Variants in MDGA2 observed in about 807,000 individuals in gnomAD.
MDGA2 encodes the protein MAM domain-containing glycosylphosphatidylinositol anchor protein 2.
MDGA2 carries 40 observed loss-of-function variants against 117.8 expected under a neutral mutation model. That is an observed-to-expected ratio of 0.34 (90% CI 0.26 to 0.44). The LOEUF (loss-of-function observed/expected upper bound fraction) is 0.44. Ranked by LOEUF, MDGA2 falls within the 20% of genes least tolerant of loss-of-function variation. MDGA2 has a pLI of 1.00. For missense variants in MDGA2, 1,123 were observed against 1,250.6 expected, an observed-to-expected ratio of 0.90 and a Z score of 1.54; for synonymous variants, 452 against 439.0, an observed-to-expected ratio of 1.03 and a Z score of -0.37.
intron 8 of MDGA2, among the ~76,000 whole-genome samples, chr14:47,002,183 A>G (rs1466725893): frequency 6.6e-6 from 1 of 152,124 alleles, no homozygotes. Flanking sequence ...AACCTTCCCA[A>G]TGTAAAACTA....
intron 3 of MDGA2, among the ~76,000 whole-genome samples, chr14:47,160,695 CACAG>C (rs780599870): frequency 3.5e-4 from 53 of 152,246 alleles, no homozygotes; most frequent in South Asian, 1.2e-3. Flanking sequence ...TAAACACACA[CACAG>C]ACAAACATAA....
At chr14:47,227,159 T>G (rs950550785) in intron 2 of MDGA2, among the ~76,000 whole-genome samples, 2 of 152,082 alleles carry the variant, frequency 1.3e-5, no homozygotes, top group African/African-American at 2.4e-5. Flanking sequence ...CCTTTACCCT[T>G]CCTATATGTT....
intron 10 of MDGA2, among the ~76,000 whole-genome samples, chr14:46,911,883 G>A (rs1883718835): frequency 6.6e-6 from 1 of 152,092 alleles, no homozygotes; most frequent in African/African-American, 2.4e-5. Flanking sequence ...TGAGGGTCAT[G>A]GGGTGGGGCA....
chr14:47,207,798 A>T (rs893373964), intron 3 of MDGA2, among the ~76,000 whole-genome samples: 5 of 152,016 alleles, frequency 3.3e-5, no homozygotes, highest in African/African-American at 1.2e-4. Context: ...ATCATGAATA[A>T]AAACACTGCA....
chr14:47,145,959 T>C (rs1882926869), intron 3 of MDGA2, among the ~76,000 whole-genome samples: 2 of 152,112 alleles, frequency 1.3e-5, no homozygotes, highest in Non-Finnish European at 2.9e-5. Context: ...CACTTGCCCA[T>C]TGTCCAGACT....
chr14:47,187,712 A>G (rs1214041539), intron 3 of MDGA2, among the ~76,000 whole-genome samples: 3 of 152,092 alleles, frequency 2.0e-5, no homozygotes, highest in Non-Finnish European at 4.4e-5. Context: ...AATCTTTAAC[A>G]TTTATTCATG....
chr14:47,075,226 TTGTCTA>T (rs746326641), intron 6 of MDGA2, among the ~76,000 whole-genome samples: 2 of 152,196 alleles, frequency 1.3e-5, no homozygotes, highest in Non-Finnish European at 2.9e-5. Context: ...CCACTATTCT[TTGTCTA>T]TAAGAAAACT....
At chr14:47,013,882 G>T (rs1466956602) in intron 8 of MDGA2, among the ~76,000 whole-genome samples, 1 of 147,144 alleles carries the variant, frequency 6.8e-6, no homozygotes, top group Non-Finnish European at 1.5e-5. Context: ...CTGCACCTCC[G>T]CCTCCTGGGT....
chr14:47,526,546 C>T (rs1280089770), intron 1 of MDGA2, among the ~76,000 whole-genome samples: 1 of 152,134 alleles, frequency 6.6e-6, no homozygotes, highest in South Asian at 2.1e-4. Context: ...CTCCCCAGGA[C>T]GACTGGACGG....
At chr14:47,158,925 G>A (rs116207154) in intron 3 of MDGA2, among the ~76,000 whole-genome samples, 3 of 152,184 alleles carry the variant, frequency 2.0e-5, no homozygotes, top group Non-Finnish European at 4.4e-5. Flanking sequence ...ATATGAGTAG[G>A]TGAAAGAAGC....
At chr14:47,329,334 G>GA (rs1369906087) in intron 1 of MDGA2, among the ~76,000 whole-genome samples, 2 of 151,206 alleles carry the variant, frequency 1.3e-5, no homozygotes, top group African/African-American at 2.4e-5. Flanking sequence ...TTGTAAAAAA[G>GA]AAAAAAAGAC....
At position 47,475,628 on chromosome 14, in the gene MDGA2, T is replaced by A. The variant is rs1373712152; in HGVS notation, c.281-174078A>T. 2.6e-5 allele frequency among the ~76,000 whole-genome samples: 4 copies of A among 152,276 alleles called. 1 individual carries two copies. The South Asian group carries it at 8.3e-4, about 32-fold the overall frequency. ...AAGAAAATGTGGTACACAGACACCA[T>A]GTAATACTATGCAGCCATAAAAAGG... is the stretch of plus-strand genomic sequence containing the variant. On this transcript the variant is annotated intron_variant, in intron 1 of 16. Transcript: ENST00000399232.
intron 5 of MDGA2, among the ~76,000 whole-genome samples, chr14:47,099,878 AGT>A (rs1407230330): frequency 6.6e-6 from 1 of 152,058 alleles, no homozygotes; most frequent in Non-Finnish European, 1.5e-5. Flanking sequence ...GGATGCACAA[AGT>A]GTTTTCTTTT....
At chr14:46,917,240 T>C (rs1356781013) in intron 10 of MDGA2, among the ~76,000 whole-genome samples, 1 of 152,222 alleles carries the variant, frequency 6.6e-6, no homozygotes. Context: ...TGCTTAGGCT[T>C]AGAATAAAAC....
intron 1 of MDGA2, among the ~76,000 whole-genome samples, chr14:47,330,643 G>T (rs573529187): frequency 6.6e-6 from 1 of 151,772 alleles, no homozygotes; most frequent in African/African-American, 2.4e-5. Flanking sequence ...ATCATGACAG[G>T]TAGCATACTA....
intron 8 of MDGA2, among the ~76,000 whole-genome samples, chr14:46,986,688 C>A (rs997165391): frequency 7.9e-5 from 12 of 152,084 alleles, no homozygotes; most frequent in African/African-American, 2.9e-4. Context: ...AGCTGCTTAG[C>A]ATGCTGTCTT....
At chr14:47,498,389 G>C (rs1894326412) in intron 1 of MDGA2, among the ~76,000 whole-genome samples, 1 of 152,098 alleles carries the variant, frequency 6.6e-6, no homozygotes, top group Admixed American at 6.5e-5. Context: ...GCTGAGCAAA[G>C]GATAAATATT....
intron 1 of MDGA2, among the ~76,000 whole-genome samples, chr14:47,649,976 T>C (rs188319782): frequency 5.2e-4 from 79 of 152,182 alleles, no homozygotes; most frequent in Middle Eastern, 3.4e-3. Flanking sequence ...GGTCAAACTT[T>C]AGTCTAAGTG....
At chr14:47,270,637 G>A (rs545785920) in intron 2 of MDGA2, among the ~76,000 whole-genome samples, 11 of 152,160 alleles carry the variant, frequency 7.2e-5, no homozygotes, top group Middle Eastern at 3.4e-3. Context: ...GCTCTTTTAC[G>A]GTGTTTTTAG....
Sources: gnomAD v4.1 joint callset for allele counts (sites outside exome capture counted in the v4.1 genomes callset) on GRCh38, gnomAD v4.1.1 for gene constraint, MANE v1.5 for transcripts, NCBI Gene and HGNC (gene_info 2026-07-23, HGNC 2026-07-21) for gene names.